Variants in NRG3 observed in about 807,000 individuals in gnomAD.
NRG3 encodes the protein pro-neuregulin-3, membrane-bound isoform.
Under a neutral mutation model 66.9 loss-of-function variants are expected in NRG3, and 31 were observed. The ratio of observed to expected loss-of-function variants is 0.46; its 90% CI spans 0.35 to 0.63. The LOEUF (loss-of-function observed/expected upper bound fraction) is 0.63. NRG3 is among the 20% of genes least tolerant of loss of function. The pLI is 0.00. For synonymous variants in NRG3, 393 were observed against 359.4 expected (o/e 1.09, Z -1.06); for missense variants, 910 against 878.9 (o/e 1.04, Z -0.45).
intron 1 of NRG3, among the ~76,000 whole-genome samples, chr10:82,288,367 G>C (rs191053170): frequency 6.6e-6 from 1 of 152,054 alleles, no homozygotes; most frequent in East Asian, 1.9e-4. Flanking sequence ...GGTATTATTC[G>C]GTTAGTAAAT....
intron 1 of NRG3, among the ~76,000 whole-genome samples, chr10:81,958,819 G>T (rs1007350659): frequency 3.3e-5 from 5 of 152,088 alleles, no homozygotes; most frequent in African/African-American, 1.2e-4. Flanking sequence ...AACCCAGGAG[G>T]CAGAGGTTGC....
intron 1 of NRG3, among the ~76,000 whole-genome samples, chr10:82,227,386 T>A (rs1352435976): frequency 6.6e-6 from 1 of 152,148 alleles, no homozygotes; most frequent in Non-Finnish European, 1.5e-5. Flanking sequence ...GACAACTGGC[T>A]CATTATTATT....
In NRG3 at chr10:82,311,613, T is replaced by G. The variant is rs546526567; in HGVS notation, c.824-47126T>G. Among the ~76,000 whole-genome samples the G allele has an allele frequency of 1.1e-3, 167 of 152,250 alleles. 3 individuals are homozygous for G. Among genetic ancestry groups the G allele is most frequent in the South Asian group, 6.6e-3 (32 of 4,828 alleles). ...GGAATGTTCAGTGTGGCAGGTAGGA[T>G]CAGGAAAGCAGATGAGTAAGTGTGC... is the stretch of plus-strand genomic sequence containing the variant. On this transcript the variant is annotated intron_variant, in intron 1 of 8. Transcript: ENST00000372141.
intron 3 of NRG3, among the ~76,000 whole-genome samples, chr10:82,756,006 T>G (rs1345343880): frequency 6.6e-6 from 1 of 152,108 alleles, no homozygotes; most frequent in East Asian, 1.9e-4. Context: ...CTTCCTGATT[T>G]ACAGTCTCAG....
chr10:82,073,014 A>G (rs2064892322), intron 1 of NRG3, among the ~76,000 whole-genome samples: 2 of 152,076 alleles, frequency 1.3e-5, no homozygotes, highest in South Asian at 4.2e-4. Flanking sequence ...GTCTCAAGAG[A>G]TACACTCACT....
chr10:82,324,523 G>A (rs2081756995), intron 1 of NRG3, among the ~76,000 whole-genome samples: 1 of 151,784 alleles, frequency 6.6e-6, no homozygotes, highest in Admixed American at 6.6e-5. Context: ...ATTAACATGA[G>A]GTGTTTTTAA....
intron 1 of NRG3, among the ~76,000 whole-genome samples, chr10:82,265,374 G>T (rs2078242970): frequency 6.6e-6 from 1 of 152,130 alleles, no homozygotes; most frequent in African/African-American, 2.4e-5. Flanking sequence ...ATCTAAATCA[G>T]CTAAGAAAGA....
chr10:82,243,602 A>G (rs1564702965), intron 1 of NRG3, among the ~76,000 whole-genome samples: 1 of 152,186 alleles, frequency 6.6e-6, no homozygotes, highest in Non-Finnish European at 1.5e-5. Flanking sequence ...AAATTAGAAG[A>G]AATTGCAGCA....
intron 2 of NRG3, among the ~76,000 whole-genome samples, chr10:82,599,366 C>G (rs980736011): frequency 1.2e-4 from 19 of 152,148 alleles, no homozygotes; most frequent in African/African-American, 4.3e-4. Flanking sequence ...ACGTCATTAG[C>G]AGAGAGGAGA....
At chr10:82,077,647 A>G (rs147020934) in intron 1 of NRG3, among the ~76,000 whole-genome samples, 63 of 152,340 alleles carry the variant, frequency 4.1e-4, no homozygotes, top group African/African-American at 1.4e-3. Flanking sequence ...ACCAATTCCT[A>G]AGGGCAAGCA....
intron 2 of NRG3, among the ~76,000 whole-genome samples, chr10:82,411,864 C>G (rs2088120771): frequency 6.6e-6 from 1 of 151,898 alleles, no homozygotes; most frequent in South Asian, 2.1e-4. Flanking sequence ...TAACAGAGGC[C>G]TAAATTCTGG....
intron 2 of NRG3, among the ~76,000 whole-genome samples, chr10:82,574,712 A>C (rs567917417): frequency 2.6e-5 from 4 of 151,934 alleles, no homozygotes; most frequent in Middle Eastern, 3.4e-3. Flanking sequence ...ATGCAATACT[A>C]TTCAGCCTTA....
intron 1 of NRG3, among the ~76,000 whole-genome samples, chr10:82,217,625 T>A (rs11193035): frequency 0.024 from 3,624 of 152,182 alleles, 161 homozygotes; most frequent in East Asian, 0.16. Context: ...TTCAAGAAAA[T>A]CATGTAAAGT....
intron 4 of NRG3, among the ~76,000 whole-genome samples, chr10:82,918,394 T>C (rs1338290487): frequency 6.6e-6 from 1 of 152,122 alleles, no homozygotes; most frequent in Non-Finnish European, 1.5e-5. Flanking sequence ...TCTGGTAAAA[T>C]GGGCAACAAA....
intron 2 of NRG3, among the ~76,000 whole-genome samples, chr10:82,696,641 T>A (rs756207968): frequency 6.6e-6 from 1 of 152,136 alleles, no homozygotes. Flanking sequence ...AGGGTGCTGG[T>A]CCTGAGAAGG....
intron 4 of NRG3, among the ~76,000 whole-genome samples, chr10:82,936,178 G>C (rs1253561841): frequency 1.3e-5 from 2 of 152,098 alleles, no homozygotes; most frequent in African/African-American, 4.8e-5. Flanking sequence ...GCAGGAATTT[G>C]AATTTTGAAA....
chr10:82,804,780 C>G (rs865905823), intron 3 of NRG3, among the ~76,000 whole-genome samples: 2 of 152,132 alleles, frequency 1.3e-5, no homozygotes, highest in African/African-American at 2.4e-5. Context: ...AGAATGCAGA[C>G]GGTCAAAATT....
Position 82,349,242 on chromosome 10 carries a change from T to C in NRG3, c.824-9497T>C, listed in dbSNP as rs1404702192. ...TGATGGTGATGTACAGATGGGTTTT[T>C]GGTGTGGATGTCCTTTCTGTTTGTT... On this transcript the variant is annotated intron_variant, in intron 1 of 8. Coordinates refer to ENST00000372141, the MANE Select transcript of NRG3 (RefSeq NM_001010848.4). 9.9e-5 allele frequency among the ~76,000 whole-genome samples: 15 copies of C among 151,792 alleles called. No individual in the cohort carries two copies. In the East Asian group the frequency reaches 2.4e-3, roughly 24 times the overall value.
At chr10:82,007,089 A>G (rs575584297) in intron 1 of NRG3, among the ~76,000 whole-genome samples, 14 of 152,294 alleles carry the variant, frequency 9.2e-5, no homozygotes, top group South Asian at 2.1e-4. Flanking sequence ...ATGGCATTCA[A>G]TAGAATTATT....
Sources: allele counts gnomAD v4.1 joint callset (sites outside exome capture counted in the v4.1 genomes callset), GRCh38; gene constraint gnomAD v4.1.1; transcripts MANE v1.5; gene names NCBI Gene and HGNC (gene_info 2026-07-23, HGNC 2026-07-21).